Variants in PDZRN3 observed in about 807,000 individuals in gnomAD.
The protein encoded by PDZRN3 is PDZ domain containing ring finger 3, also known as E3 ubiquitin-protein ligase PDZRN3.
A neutral mutation model predicts 85.7 loss-of-function variants in PDZRN3; 38 were observed. That is an observed-to-expected ratio of 0.44 (90% confidence interval 0.34 to 0.58). The LOEUF (loss-of-function observed/expected upper bound fraction) is 0.58. PDZRN3 is among the 20% of genes least tolerant of loss of function. PDZRN3 has a pLI of 0.01. For synonymous variants in PDZRN3, 759 were observed against 638.0 expected, an observed-to-expected ratio of 1.19 and a Z score of -2.86; for missense variants, 1,629 against 1,506.4, an observed-to-expected ratio of 1.08 and a Z score of -1.35.
rs1002344829 is a variant in PDZRN3, at chr3:73,398,681, T to G, written c.1254+2241A>C. The stretch of plus-strand genomic sequence containing the variant: ...CTCAGTCTGGGCTAGTCTTAACACT[T>G]CTTTAATACTAGCTAATCTCCTTAG... On this transcript the variant is annotated intron_variant, in intron 5 of 9. Transcript: ENST00000263666. 3.3e-5 allele frequency among the ~76,000 whole-genome samples: 5 copies of G among 152,190 alleles called. No homozygotes were observed. In the East Asian group the frequency reaches 9.6e-4, roughly 29 times the overall value.
chr3:73,516,881 T>C (rs570774874), intron 3 of PDZRN3, among the ~76,000 whole-genome samples: 106 of 152,320 alleles, frequency 7.0e-4, no homozygotes, highest in African/African-American at 2.3e-3. Context: ...CTCATGTGCC[T>C]ATGGAATGGG....
chr3:73,497,972 T>C lies in PDZRN3; in HGVS notation c.919-93577A>G, dbSNP rs546008504. 3.2e-4 allele frequency among the ~76,000 whole-genome samples: 49 copies of C among 152,318 alleles called. No individual in the cohort carries two copies. The Middle Eastern group carries it at 0.01, about 32-fold the overall frequency. On this transcript the variant is annotated intron_variant, in intron 3 of 9. Coordinates refer to ENST00000263666, the MANE Select transcript of PDZRN3 (RefSeq NM_015009.3). ...AGAGACCTGAAAGGGTGGTAGGGTCTGGGAAGATGCTGAGGTAACAACAGT... is the reference window on the plus strand; with the variant it reads ...AGAGACCTGAAAGGGTGGTAGGGTCCGGGAAGATGCTGAGGTAACAACAGT...
chr3:73,576,688 T>G (rs867786700), intron 3 of PDZRN3, among the ~76,000 whole-genome samples: 1 of 152,204 alleles, frequency 6.6e-6, no homozygotes, highest in South Asian at 2.1e-4. Flanking sequence ...TTTTCAATTT[T>G]GCATGATTGA....
At chr3:73,544,548 C>T (rs1301547480) in intron 3 of PDZRN3, among the ~76,000 whole-genome samples, 3 of 152,110 alleles carry the variant, frequency 2.0e-5, no homozygotes, top group African/African-American at 7.2e-5. Context: ...ACATATCCGT[C>T]ACTTCATATG....
rs189733738 is a variant in PDZRN3, at chr3:73,528,542, T to C, written c.918+73812A>G. 3.5e-3 allele frequency among the ~76,000 whole-genome samples: 536 copies of C among 152,260 alleles called. 3 individuals are homozygous for C. The highest frequency in any genetic ancestry group is 4.6e-3 in the Non-Finnish European group (314 of 68,028). ...CTGACTCAGAAAGAGAATGATCTTT[T>C]ATATGCGATTACGAAGTAATAAGGA... is the stretch of plus-strand genomic sequence containing the variant. On this transcript the variant is annotated intron_variant, in intron 3 of 9. Transcript: ENST00000263666.
intron 3 of PDZRN3, among the ~76,000 whole-genome samples, chr3:73,464,074 C>T (rs1018916921): frequency 1.3e-5 from 2 of 152,188 alleles, no homozygotes; most frequent in Non-Finnish European, 2.9e-5. Context: ...CAACCTCTGC[C>T]TCCTGGGTTG....
chr3:73,591,536 T>A (rs1575754093), intron 3 of PDZRN3, among the ~76,000 whole-genome samples: 1 of 152,188 alleles, frequency 6.6e-6, no homozygotes, highest in East Asian at 1.9e-4. Flanking sequence ...TTTATGAAAC[T>A]GTGTCATATA....
intron 3 of PDZRN3, among the ~76,000 whole-genome samples, chr3:73,471,270 A>G (rs1322225219): frequency 6.6e-6 from 1 of 152,098 alleles, no homozygotes; most frequent in Non-Finnish European, 1.5e-5. Context: ...CCGGCAAACC[A>G]TCCAGCAGCT....
chr3:73,490,806 C>A (rs934054255), intron 3 of PDZRN3, among the ~76,000 whole-genome samples: 1 of 152,208 alleles, frequency 6.6e-6, no homozygotes, highest in Non-Finnish European at 1.5e-5. Flanking sequence ...CAGTGGCTAC[C>A]GCTCCCTGTA....
At chr3:73,457,609 A>G (rs1333785746) in intron 3 of PDZRN3, among the ~76,000 whole-genome samples, 3 of 152,036 alleles carry the variant, frequency 2.0e-5, no homozygotes, top group African/African-American at 7.3e-5. Flanking sequence ...TCATTTTGCA[A>G]GCCCAGTACT....
chr3:73,447,723 A>C (rs886999517), intron 3 of PDZRN3, among the ~76,000 whole-genome samples: 1 of 152,212 alleles, frequency 6.6e-6, no homozygotes, highest in African/African-American at 2.4e-5. Flanking sequence ...GTCCAAAAAG[A>C]TTACTTACCG....
intron 3 of PDZRN3, among the ~76,000 whole-genome samples, chr3:73,416,890 T>TG (rs1702099260): frequency 7.1e-6 from 1 of 139,960 alleles, no homozygotes; most frequent in African/African-American, 2.8e-5. Flanking sequence ...TTTTTTTTTT[T>TG]TTTTTTTTTT....
chr3:73,423,805 T>A (rs1435484504), intron 3 of PDZRN3, among the ~76,000 whole-genome samples: 1 of 152,206 alleles, frequency 6.6e-6, no homozygotes, highest in Non-Finnish European at 1.5e-5. Flanking sequence ...AGTGGAGGCT[T>A]TTAATAAAAG....
At chr3:73,552,117 TCTCA>T (rs1280296487) in intron 3 of PDZRN3, among the ~76,000 whole-genome samples, 1 of 152,148 alleles carries the variant, frequency 6.6e-6, no homozygotes, top group African/African-American at 2.4e-5. Flanking sequence ...ACATTCCTTT[TCTCA>T]CTCCTTCCCA....
chr3:73,384,432 T>C lies in PDZRN3; in HGVS notation c.2134A>G (p.Lys712Glu). The C allele has an allele frequency of 6.2e-7, 1 of 1,611,506 alleles. No individual in the cohort carries two copies. The highest frequency in any genetic ancestry group is 8.5e-7 in the Non-Finnish European group (1 of 1,180,014). ...IVRAHKMQQL[K>E]EQYRESWMLH... ...ATCCAGGACTCGCGGTACTGCTCCT[T>C]GAGCTGCTGCATCTTGTGGGCGCGC... is the stretch of plus-strand genomic sequence containing the variant. Residue 712 changes from lysine (K) to glutamate (E), a missense_variant, in exon 10 of 10, where the codon AAG becomes GAG. Coordinates refer to ENST00000263666, the MANE Select transcript of PDZRN3 (RefSeq NM_015009.3).
intron 3 of PDZRN3, among the ~76,000 whole-genome samples, chr3:73,590,869 C>T (rs1439347791): frequency 1.3e-5 from 2 of 152,094 alleles, no homozygotes; most frequent in South Asian, 2.1e-4. Context: ...CATACTTAAT[C>T]GATTCTATTT....
At chr3:73,534,944 C>T (rs1359963055) in intron 3 of PDZRN3, among the ~76,000 whole-genome samples, 1 of 152,078 alleles carries the variant, frequency 6.6e-6, no homozygotes, top group African/African-American at 2.4e-5. Context: ...AGTCTATTTG[C>T]TGCCCCTCTC....
chr3:73,564,434 T>G (rs1701902060), intron 3 of PDZRN3, among the ~76,000 whole-genome samples: 1 of 152,132 alleles, frequency 6.6e-6, no homozygotes. Flanking sequence ...CTGCCCCAAA[T>G]ACATTCCATC....
intron 3 of PDZRN3, among the ~76,000 whole-genome samples, chr3:73,415,223 T>C (rs534250066): frequency 9.2e-5 from 14 of 151,788 alleles, no homozygotes; most frequent in Admixed American, 5.2e-4. Flanking sequence ...GAGGAACAGG[T>C]GTAGAGCACC....
Sources: allele counts gnomAD v4.1 joint callset (sites outside exome capture counted in the v4.1 genomes callset), GRCh38; gene constraint gnomAD v4.1.1; transcripts MANE v1.5; gene names NCBI Gene and HGNC (gene_info 2026-07-23, HGNC 2026-07-21).